Variants in THEMIS observed in about 807,000 individuals in gnomAD.
THEMIS encodes the protein protein THEMIS.
Under a neutral mutation model 52.6 loss-of-function variants are expected in THEMIS, and 37 were observed. The ratio of observed to expected loss-of-function variants is 0.70; its 90% CI spans 0.54 to 0.93. The LOEUF (loss-of-function observed/expected upper bound fraction) is 0.93, where lower values mean the gene tolerates loss of function less well. Ranked by LOEUF, THEMIS falls within the 40% of genes least tolerant of loss-of-function variation. The pLI, the probability that THEMIS is intolerant of heterozygous loss-of-function variation, is 0.00. For missense variants in THEMIS, 808 were observed against 763.1 expected (o/e 1.06, Z -0.69); for synonymous variants, 292 against 272.7 (o/e 1.07, Z -0.70).
At chr6:127,845,975 A>T (rs1264418259) in intron 2 of THEMIS, among the ~76,000 whole-genome samples, 1 of 151,946 alleles carries the variant, frequency 6.6e-6, no homozygotes, top group Non-Finnish European at 1.5e-5. Context: ...GCTCTACCTG[A>T]GCCCAAATTC....
At chr6:127,866,600 A>G (rs935750059) in intron 1 of THEMIS, among the ~76,000 whole-genome samples, 1 of 152,004 alleles carries the variant, frequency 6.6e-6, no homozygotes, top group African/African-American at 2.4e-5. Context: ...CACTCTCCCC[A>G]TATTTCCGTA....
chr6:127,760,281 T>C (rs1273866668), intron 4 of THEMIS, among the ~76,000 whole-genome samples: 1 of 152,156 alleles, frequency 6.6e-6, no homozygotes, highest in African/African-American at 2.4e-5. Context: ...GTTTTGATTA[T>C]TGTAGATTTG....
chr6:127,716,920 G>C (rs1397628964), intron 5 of THEMIS, among the ~76,000 whole-genome samples: 1 of 151,668 alleles, frequency 6.6e-6, no homozygotes, highest in Non-Finnish European at 1.5e-5. Flanking sequence ...CATCAAAAAG[G>C]GTTTCTCACC....
At chr6:127,744,504 G>T (rs1195612219) in intron 4 of THEMIS, among the ~76,000 whole-genome samples, 1 of 151,958 alleles carries the variant, frequency 6.6e-6, no homozygotes, top group South Asian at 2.1e-4. Context: ...CCTTTAAAAA[G>T]AAGGAAATCT....
downstream of THEMIS, among the ~76,000 whole-genome samples, chr6:127,705,385 G>A (rs1000688896): frequency 5.3e-5 from 8 of 152,138 alleles, no homozygotes. Flanking sequence ...TGTAAGTCAT[G>A]GGCCAACAGC....
intron 4 of THEMIS, among the ~76,000 whole-genome samples, chr6:127,776,025 G>T (rs1776555091): frequency 6.6e-6 from 1 of 151,816 alleles, no homozygotes; most frequent in African/African-American, 2.4e-5. Context: ...TGTGATTTTT[G>T]TCTTTGACCC....
At chr6:127,892,511 T>C (rs1485429425) in intron 1 of THEMIS, among the ~76,000 whole-genome samples, 1 of 152,140 alleles carries the variant, frequency 6.6e-6, no homozygotes, top group Non-Finnish European at 1.5e-5. Context: ...AGGGCTTTAC[T>C]TTTTTTCCCA....
At chr6:127,817,149 C>T (rs1246200233) in intron 3 of THEMIS, among the ~76,000 whole-genome samples, 1 of 152,066 alleles carries the variant, frequency 6.6e-6, no homozygotes, top group African/African-American at 2.4e-5. Context: ...GAAACATATG[C>T]CTTCCCAGAG....
intron 1 of THEMIS, among the ~76,000 whole-genome samples, chr6:127,868,077 G>A (rs1780039338): frequency 6.6e-6 from 1 of 152,028 alleles, no homozygotes; most frequent in African/African-American, 2.4e-5. Context: ...TACTTCACCT[G>A]TAAAATAAAG....
intron 2 of THEMIS, among the ~76,000 whole-genome samples, chr6:127,851,856 T>G (rs904775857): frequency 2.0e-5 from 3 of 151,718 alleles, no homozygotes; most frequent in African/African-American, 7.2e-5. Context: ...CCAAAGGAGT[T>G]GAAAACACAA....
intron 1 of THEMIS, among the ~76,000 whole-genome samples, chr6:127,908,270 A>G (rs1781326583): frequency 6.6e-6 from 1 of 152,152 alleles, no homozygotes; most frequent in Non-Finnish European, 1.5e-5. Context: ...ATAAGCCCTT[A>G]GAGACATTAC....
At chr6:127,719,908 A>G (rs1774307077) in intron 4 of THEMIS, 85 bp from the exon 5 acceptor site, 2 of 1,507,090 alleles carry the variant, frequency 1.3e-6, no homozygotes, top group African/African-American at 1.4e-5. Context: ...ATGGCAATTC[A>G]TTTCTGTATG....
chr6:127,780,058 C>G (rs1776693011), intron 4 of THEMIS, among the ~76,000 whole-genome samples: 1 of 152,140 alleles, frequency 6.6e-6, no homozygotes, highest in Non-Finnish European at 1.5e-5. Context: ...TCTCTAAGAA[C>G]TTGCTTTATG....
intron 1 of THEMIS, among the ~76,000 whole-genome samples, chr6:127,915,757 T>A (rs1284302641): frequency 6.6e-6 from 1 of 151,806 alleles, no homozygotes; most frequent in Non-Finnish European, 1.5e-5. Flanking sequence ...GAGGCCAAGG[T>A]GGGTGGATCA....
intron 2 of THEMIS, among the ~76,000 whole-genome samples, chr6:127,849,633 T>C (rs1369268649): frequency 6.6e-6 from 1 of 151,836 alleles, no homozygotes; most frequent in Non-Finnish European, 1.5e-5. Context: ...TACAAAAACG[T>C]AAATTAGGGA....
intron 4 of THEMIS, among the ~76,000 whole-genome samples, chr6:127,786,940 C>A (rs1168523475): frequency 6.6e-6 from 1 of 152,076 alleles, no homozygotes; most frequent in Non-Finnish European, 1.5e-5. Context: ...GAAAAAGCAA[C>A]TTTGCAACCA....
downstream of THEMIS, among the ~76,000 whole-genome samples, chr6:127,705,008 G>C (rs1001363461): frequency 2.0e-5 from 3 of 152,208 alleles, no homozygotes; most frequent in Admixed American, 1.3e-4. Flanking sequence ...GGACAGAGTT[G>C]CATGCATCTG....
chr6:127,784,601 C>T (rs1180560355), intron 4 of THEMIS, among the ~76,000 whole-genome samples: 1 of 152,142 alleles, frequency 6.6e-6, no homozygotes, highest in Non-Finnish European at 1.5e-5. Context: ...GGAAACAAAA[C>T]TCAGTTCTGT....
intron 1 of THEMIS, among the ~76,000 whole-genome samples, chr6:127,862,756 A>T (rs192883904): frequency 6.6e-6 from 1 of 152,100 alleles, no homozygotes; most frequent in East Asian, 1.9e-4. Context: ...CCTAAATAAC[A>T]TACCGAGTAG....
Sources: gnomAD v4.1 joint callset for allele counts (sites outside exome capture counted in the v4.1 genomes callset) on GRCh38, gnomAD v4.1.1 for gene constraint, MANE v1.5 for transcripts, NCBI Gene and HGNC (gene_info 2026-07-23, HGNC 2026-07-21) for gene names.